Variants in GSG1L2 observed in about 807,000 individuals in gnomAD.
GSG1L2 encodes the protein GSG1 like 2, also known as germ cell-specific gene 1-like protein 2.
In GSG1L2, 15 loss-of-function variants were observed where a neutral mutation model predicts 9.0. The observed-to-expected ratio is 1.67, with a 90% CI of 1.12 to 2.57. The LOEUF (loss-of-function observed/expected upper bound fraction) is 2.57. Ranked by LOEUF, GSG1L2 falls within the 30% of genes most tolerant of loss-of-function variation. The pLI, the probability that GSG1L2 is intolerant of heterozygous loss-of-function variation, is 0.00. For synonymous variants in GSG1L2, 127 were observed against 57.9 expected, an observed-to-expected ratio of 2.19 and a Z score of -5.41; for missense variants, 286 against 150.3, an observed-to-expected ratio of 1.90 and a Z score of -4.72.
chr17:9,807,820 C>A lies in GSG1L2; in HGVS notation c.512-219G>T. ...ACAATCGGGGAGGACCTGTCAGAAC[C>A]TGGGTAGGAGTCTCCATGGCCTGGT... On this transcript the variant is annotated intron_variant, in intron 3 of 4. Coordinates refer to ENST00000399363, the MANE Select transcript of GSG1L2 (RefSeq NM_001310219.2). 2 of 494,394 alleles carry A rather than the reference C, an allele frequency of 4.0e-6. 1 individual carries two copies. 30.6% of individuals were successfully genotyped at this position (494,394 alleles called of 1,614,324 possible). A position where few individuals can be genotyped will look rare whatever the true frequency, so the allele number is the denominator to read the frequency against.
chr17:9,816,868 GTC>G (rs1484486937), intron 1 of GSG1L2, among the ~76,000 whole-genome samples: 20 of 143,332 alleles, frequency 1.4e-4, no homozygotes, highest in African/African-American at 5.6e-4. Context: ...GTATGTGTGT[GTC>G]TGTGTGTGTA....
chr17:9,816,641 GTGTC>G (rs1195618144), intron 1 of GSG1L2, among the ~76,000 whole-genome samples: 10 of 124,686 alleles, frequency 8.0e-5, no homozygotes, highest in African/African-American at 1.5e-4. Flanking sequence ...GTCTGTGTGC[GTGTC>G]TGTGTGTGTC....
In GSG1L2 at chr17:9,810,562, G is replaced by A. The variant is rs1192849780; in HGVS notation, c.358+9C>T. ...GTGCTAGTGGGCAGAGTGTGAGTAAGGTATTTACCTTGTTCTTCAGCTGGC... is the reference window on the plus strand; with the variant it reads ...GTGCTAGTGGGCAGAGTGTGAGTAAAGTATTTACCTTGTTCTTCAGCTGGC... On this transcript the variant is annotated intron_variant, in intron 2 of 4. Coordinates refer to ENST00000399363, the MANE Select transcript of GSG1L2 (RefSeq NM_001310219.2). 3 of 702,926 alleles carry A rather than the reference G, an allele frequency of 4.3e-6. No individual in the cohort carries two copies. The highest frequency in any genetic ancestry group is 4.0e-5 in the Admixed American group (2 of 50,002). The allele number at this position is 702,926 out of a possible 1,614,324, so 43.5% of individuals were successfully genotyped here.
intron 1 of GSG1L2, among the ~76,000 whole-genome samples, chr17:9,815,869 C>T (rs2066557416): frequency 6.6e-6 from 1 of 152,056 alleles, no homozygotes; most frequent in African/African-American, 2.4e-5. Context: ...GAGGTGGGAG[C>T]TTTAAGAGAT....
At chr17:9,815,615 A>T (rs548851581) in intron 1 of GSG1L2, among the ~76,000 whole-genome samples, 2 of 152,232 alleles carry the variant, frequency 1.3e-5, no homozygotes, top group African/African-American at 4.8e-5. Flanking sequence ...AAAATGTAAC[A>T]TATTACGGAA....
intron 4 of GSG1L2, among the ~76,000 whole-genome samples, chr17:9,806,241 T>C (rs73261414): frequency 0.031 from 4,670 of 152,264 alleles, 199 homozygotes; most frequent in African/African-American, 0.092. Flanking sequence ...CTAAGTCTTA[T>C]CTTCAGGCAG....
chr17:9,817,066 C>A (rs938739329), intron 1 of GSG1L2, among the ~76,000 whole-genome samples: 3 of 147,238 alleles, frequency 2.0e-5, no homozygotes, highest in Non-Finnish European at 4.4e-5. Context: ...GATGCCACCA[C>A]CACCACCACA....
At chr17:9,807,982 AGG>A in intron 3 of GSG1L2, 1 of 187,850 alleles carries the variant, frequency 5.3e-6, no homozygotes, top group African/African-American at 2.3e-5. Context: ...GCTTAAGCTC[AGG>A]GGTTTGAGAC....
At chr17:9,817,812 G>C (rs2066573612) in intron 1 of GSG1L2, among the ~76,000 whole-genome samples, 1 of 152,066 alleles carries the variant, frequency 6.6e-6, no homozygotes, top group Non-Finnish European at 1.5e-5. Flanking sequence ...AGGAGAAGCT[G>C]TCTCAGGTGA....
chr17:9,818,661 A>T (rs1482715387), intron 1 of GSG1L2, among the ~76,000 whole-genome samples: 3 of 151,806 alleles, frequency 2.0e-5, no homozygotes, highest in African/African-American at 7.3e-5. Flanking sequence ...CTTTCCAACG[A>T]CCAGATCCCG....
intron 1 of GSG1L2, among the ~76,000 whole-genome samples, chr17:9,813,749 G>A (rs2152023878): frequency 6.6e-6 from 1 of 152,300 alleles, no homozygotes; most frequent in Admixed American, 6.5e-5. Context: ...GCAGCAGATG[G>A]ATACCATGGG....
intron 1 of GSG1L2, among the ~76,000 whole-genome samples, chr17:9,813,398 C>A (rs2066546819): frequency 6.6e-6 from 1 of 152,152 alleles, no homozygotes; most frequent in African/African-American, 2.4e-5. Flanking sequence ...TCTCAGAGGG[C>A]CCGAAGGAGA....
At chr17:9,819,701 C>T (rs562513124) in intron 1 of GSG1L2, among the ~76,000 whole-genome samples, 41 of 152,146 alleles carry the variant, frequency 2.7e-4, no homozygotes, top group East Asian at 1.2e-3. Context: ...GGTACCATCT[C>T]GGCTCACTGC....
chr17:9,809,159 C>A lies in GSG1L2; in HGVS notation c.359-177G>T, dbSNP rs1349806905. On this transcript the variant is annotated intron_variant, in intron 2 of 4. Transcript: ENST00000399363. Reference sequence around the variant, plus strand: ...GGCAATGGAAAGGCACTCCTCAGGGCTGAAAGAGACGGTTGTAGGGATTGC... The same window carrying A: ...GGCAATGGAAAGGCACTCCTCAGGGATGAAAGAGACGGTTGTAGGGATTGC... The A allele has an allele frequency of 4.2e-5, 25 of 591,420 alleles. 1 individual carries two copies. The highest frequency in any genetic ancestry group is 1.5e-4 in the African/African-American group (8 of 53,658). The allele number at this position is 591,420 out of a possible 1,614,324, so 36.6% of individuals were successfully genotyped here.
In GSG1L2 at chr17:9,821,653, C is replaced by T. The variant is rs941546401; in HGVS notation, c.310+109G>A. The stretch of plus-strand genomic sequence containing the variant: ...TGGCTCCAGAGCCCCTGCATCATCC[C>T]GCACCTGTTACCCCCAGAATCTGCA... On this transcript the variant is annotated intron_variant, in intron 1 of 4. Coordinates refer to ENST00000399363, the MANE Select transcript of GSG1L2 (RefSeq NM_001310219.2). 38 of 651,382 alleles carry T rather than the reference C, an allele frequency of 5.8e-5. 1 individual carries two copies. The highest frequency in any genetic ancestry group is 3.5e-4 in the South Asian group (20 of 57,358). 40.4% of individuals were successfully genotyped at this position (651,382 alleles called of 1,614,324 possible).
chr17:9,810,561 AG>A lies in GSG1L2; in HGVS notation c.358+9del. On this transcript the variant is annotated intron_variant, in intron 2 of 4. Transcript: ENST00000399363. ...AGTGCTAGTGGGCAGAGTGTGAGTA[AG>A]GTATTTACCTTGTTCTTCAGCTGGC... 1 of 702,964 alleles carries A rather than the reference AG, an allele frequency of 1.4e-6. No individual in the cohort carries two copies. Among genetic ancestry groups the A allele is most frequent in the East Asian group, 2.7e-5 (1 of 37,282 alleles). The allele number at this position is 702,964 out of a possible 1,614,324, so 43.5% of individuals were successfully genotyped here.
At chr17:9,810,904 C>T in intron 1 of GSG1L2, 1 of 446,422 alleles carries the variant, frequency 2.2e-6, no homozygotes, top group South Asian at 3.3e-5. Flanking sequence ...TGTTCCCTTG[C>T]TCTGTAATCC....
At chr17:9,807,395 T>C (rs1025333303) in intron 4 of GSG1L2, 95 bp downstream of exon 4, 7 of 680,696 alleles carry the variant, frequency 1.0e-5, no homozygotes, top group Non-Finnish European at 1.9e-5. Flanking sequence ...ATGCCAGCAC[T>C]ATGACCAAGG....
rs963536051 is a variant in GSG1L2, at chr17:9,816,999, C to A, written c.310+4763G>T. ...AGGGGACTTCCTCTAGAGGAAGGAA[C>A]CTGAAAGAGCCTCACACATCTCTCA... On this transcript the variant is annotated intron_variant, in intron 1 of 4. Transcript: ENST00000399363. Among the ~76,000 whole-genome samples the A allele has an allele frequency of 4.0e-5, 6 of 151,494 alleles. No homozygotes were observed. The East Asian group carries it at 5.8e-4, about 15-fold the overall frequency.
Sources: allele counts gnomAD v4.1 joint callset (sites outside exome capture counted in the v4.1 genomes callset), GRCh38; gene constraint gnomAD v4.1.1; transcripts MANE v1.5; gene names NCBI Gene and HGNC (gene_info 2026-07-23, HGNC 2026-07-21).